MPPED1: variants seen among roughly 807,000 people sequenced by gnomAD.
The protein encoded by MPPED1 is metallophosphoesterase domain-containing protein 1.
In MPPED1, 16 loss-of-function variants were observed where a neutral mutation model predicts 36.2. The observed-to-expected ratio is 0.44, with a 90% CI of 0.30 to 0.67. The LOEUF (loss-of-function observed/expected upper bound fraction) is 0.67, where lower values mean the gene tolerates loss of function less well. Among genes scored for constraint, MPPED1 ranks in the 30% least tolerant of loss-of-function variants. The probability of loss-of-function intolerance (pLI) is 0.10; values close to 1 mark genes in which losing one functional copy is unlikely to be tolerated. For synonymous variants in MPPED1, 199 were observed against 191.3 expected (o/e 1.04, Z -0.33); for missense variants, 307 against 453.4 (o/e 0.68, Z 2.93).
At chr22:43,499,142 A>AAGGTGATGGTGGTGACGG (rs1162501156) in intron 5 of MPPED1, among the ~76,000 whole-genome samples, 2 of 108,766 alleles carry the variant, frequency 1.8e-5, no homozygotes, top group African/African-American at 7.4e-5. Context: ...GGTGGTGATG[A>AAGGTGATGGTGGTGACGG]AGGTGATGGT....
intron 3 of MPPED1, among the ~76,000 whole-genome samples, chr22:43,440,790 C>G (rs1341646682): frequency 6.6e-6 from 1 of 152,148 alleles, no homozygotes; most frequent in Non-Finnish European, 1.5e-5. Context: ...CCAGAGGCCA[C>G]AGGTGGCTTT....
intron 3 of MPPED1, among the ~76,000 whole-genome samples, chr22:43,453,956 C>T (rs1032891600): frequency 6.6e-6 from 1 of 152,118 alleles, no homozygotes; most frequent in Non-Finnish European, 1.5e-5. Flanking sequence ...CCCTCCTCTC[C>T]CCAGCCCCTG....
chr22:43,464,161 A>G (rs1018340761), intron 3 of MPPED1, among the ~76,000 whole-genome samples: 13 of 151,978 alleles, frequency 8.6e-5, no homozygotes, highest in African/African-American at 3.1e-4. Flanking sequence ...AGCCTGCCTC[A>G]GCCTCCCAAA....
At chr22:43,489,664 A>G (rs1396378020) in intron 4 of MPPED1, among the ~76,000 whole-genome samples, 1 of 152,020 alleles carries the variant, frequency 6.6e-6, no homozygotes, top group East Asian at 1.9e-4. Context: ...GATTACAAGC[A>G]TGTGCCACTA....
chr22:43,447,252 G>A (rs1290846155), intron 3 of MPPED1, among the ~76,000 whole-genome samples: 1 of 152,186 alleles, frequency 6.6e-6, no homozygotes, highest in African/African-American at 2.4e-5. Flanking sequence ...GTGGAAGCAA[G>A]ATTTTCTTAC....
intron 2 of MPPED1, among the ~76,000 whole-genome samples, chr22:43,432,610 AAGAGAGAGAGAAG>A (rs1929763534): frequency 9.4e-5 from 2 of 21,250 alleles, no homozygotes; most frequent in Non-Finnish European, 1.8e-4. Context: ...GAGAGAGGGA[AAGAGAGAGAGAAG>A]GGGAGGAGAG....
chr22:43,424,472 G>A (rs1366407688), intron 1 of MPPED1, among the ~76,000 whole-genome samples: 1 of 152,168 alleles, frequency 6.6e-6, no homozygotes, highest in East Asian at 1.9e-4. Flanking sequence ...GGAGGATGGG[G>A]GAGGGTTGTA....
chr22:43,458,418 T>C (rs537493986), intron 3 of MPPED1, among the ~76,000 whole-genome samples: 1 of 152,032 alleles, frequency 6.6e-6, no homozygotes, highest in African/African-American at 2.4e-5. Context: ...CCCAAGTAGC[T>C]GGGATTACAG....
intron 3 of MPPED1, among the ~76,000 whole-genome samples, chr22:43,463,267 A>G (rs200893099): frequency 6.7e-6 from 1 of 148,634 alleles, no homozygotes; most frequent in East Asian, 2.0e-4. Context: ...TTTTTCTTCC[A>G]TCTCTTTTTC....
At chr22:43,439,807 C>G (rs1225633556) in intron 3 of MPPED1, among the ~76,000 whole-genome samples, 1 of 152,222 alleles carries the variant, frequency 6.6e-6, no homozygotes, top group East Asian at 1.9e-4. Context: ...TTCCCTCCAG[C>G]CACACCGTCC....
chr22:43,482,973 T>C (rs1931796965), intron 4 of MPPED1, among the ~76,000 whole-genome samples: 1 of 152,232 alleles, frequency 6.6e-6, no homozygotes, highest in Admixed American at 6.5e-5. Context: ...CCCTGTCTTA[T>C]GCTGGCCCAG....
At chr22:43,493,586 A>G (rs1384418255) in intron 4 of MPPED1, among the ~76,000 whole-genome samples, 2 of 152,154 alleles carry the variant, frequency 1.3e-5, no homozygotes, top group African/African-American at 4.8e-5. Flanking sequence ...GTGCCATCTC[A>G]CTGCTGGGAG....
intron 4 of MPPED1, among the ~76,000 whole-genome samples, chr22:43,489,834 TC>T (rs1932029923): frequency 6.6e-6 from 1 of 152,098 alleles, no homozygotes; most frequent in African/African-American, 2.4e-5. Flanking sequence ...CCACCAACAT[TC>T]TAATAAAAGC....
intron 3 of MPPED1, among the ~76,000 whole-genome samples, chr22:43,451,211 T>C (rs1237520199): frequency 6.6e-6 from 1 of 152,120 alleles, no homozygotes; most frequent in Non-Finnish European, 1.5e-5. Flanking sequence ...TTCACGATGT[T>C]GGCCAGGATG....
At chr22:43,457,388 A>C (rs1345417639) in intron 3 of MPPED1, among the ~76,000 whole-genome samples, 1 of 151,900 alleles carries the variant, frequency 6.6e-6, no homozygotes, top group Admixed American at 6.6e-5. Flanking sequence ...CTTTCAACCC[A>C]CTTGTTTCTT....
chr22:43,446,138 T>G (rs1450411002), intron 3 of MPPED1, among the ~76,000 whole-genome samples: 2 of 152,248 alleles, frequency 1.3e-5, no homozygotes, highest in Non-Finnish European at 2.9e-5. Flanking sequence ...CCCAAAGTGC[T>G]GGGATTACAG....
At chr22:43,476,468 C>G (rs555817172) in intron 4 of MPPED1, among the ~76,000 whole-genome samples, 3 of 152,254 alleles carry the variant, frequency 2.0e-5, no homozygotes, top group African/African-American at 7.2e-5. Flanking sequence ...CCTTTAGAGG[C>G]ACAAAGGGCT....
rs537693027 is a variant in MPPED1, at chr22:43,463,932, A to C, written c.407-10804A>C. ...TTTTCTTTCTTCTTTTCTTTGAGAC[A>C]GAGTCTTGCTCTGTTGCCCAGGCTG... On this transcript the variant is annotated intron_variant, in intron 3 of 6. Coordinates refer to ENST00000443721, the MANE Select transcript of MPPED1 (RefSeq NM_001044370.2). Among the ~76,000 whole-genome samples, 35 of 144,102 alleles carry C rather than the reference A, an allele frequency of 2.4e-4. No individual in the cohort carries two copies. In the South Asian group the frequency reaches 2.6e-3, roughly 11 times the overall value. 94.5% of individuals were successfully genotyped at this position (144,102 alleles called of 152,430 possible). A position where few individuals can be genotyped will look rare whatever the true frequency, so the allele number is the denominator to read the frequency against.
chr22:43,470,811 G>A (rs1449091932), intron 3 of MPPED1, among the ~76,000 whole-genome samples: 1 of 152,256 alleles, frequency 6.6e-6, no homozygotes, highest in African/African-American at 2.4e-5. Flanking sequence ...TGCACAGCTG[G>A]TGAATTGCCA....
Sources: allele counts gnomAD v4.1 joint callset (sites outside exome capture counted in the v4.1 genomes callset), GRCh38; gene constraint gnomAD v4.1.1; transcripts MANE v1.5; gene names NCBI Gene and HGNC (gene_info 2026-07-23, HGNC 2026-07-21).